PSD3: variants seen among roughly 807,000 people sequenced by gnomAD.
PSD3 encodes pleckstrin and Sec7 domain containing 3.
A neutral mutation model predicts 105.5 loss-of-function variants in PSD3; 49 were observed. That is an observed-to-expected ratio of 0.46 (90% confidence interval 0.37 to 0.59). The LOEUF (loss-of-function observed/expected upper bound fraction) is 0.59. Ranked by LOEUF, PSD3 falls within the 20% of genes least tolerant of loss-of-function variation. The probability of loss-of-function intolerance (pLI) is 0.00; values close to 1 mark genes in which losing one functional copy is unlikely to be tolerated. For missense variants in PSD3, 1,561 were observed against 1,263.8 expected (o/e 1.24, Z -3.57); for synonymous variants, 557 against 457.8 (o/e 1.22, Z -2.77).
chr8:19,006,992 C>G (rs1008052112), intron 1 of PSD3, among the ~76,000 whole-genome samples: 2 of 152,080 alleles, frequency 1.3e-5, no homozygotes, highest in Admixed American at 6.6e-5. Context: ...CAGTGGCTCA[C>G]ACCTGTAATC....
At chr8:18,694,552 G>C (rs572458467) in intron 9 of PSD3, among the ~76,000 whole-genome samples, 1 of 151,220 alleles carries the variant, frequency 6.6e-6, no homozygotes, top group African/African-American at 2.4e-5. Flanking sequence ...AGAGCTTGCA[G>C]TGAGCCGAGA....
intron 10 of PSD3, among the ~76,000 whole-genome samples, chr8:18,640,485 T>G (rs976250456): frequency 6.6e-6 from 1 of 152,118 alleles, no homozygotes; most frequent in African/African-American, 2.4e-5. Context: ...CGTGTGATAT[T>G]AAGTTCTCGT....
intron 8 of PSD3, among the ~76,000 whole-genome samples, chr8:18,788,288 G>A (rs1809374056): frequency 6.6e-6 from 1 of 152,230 alleles, no homozygotes; most frequent in African/African-American, 2.4e-5. Flanking sequence ...CCCAACTTCT[G>A]TTGCAATAAC....
At chr8:18,843,127 G>C (rs151023129) in intron 4 of PSD3, among the ~76,000 whole-genome samples, 3 of 152,078 alleles carry the variant, frequency 2.0e-5, no homozygotes, top group African/African-American at 7.2e-5. Flanking sequence ...TTGGGAGGCC[G>C]AGACGGGCGG....
intron 1 of PSD3, among the ~76,000 whole-genome samples, chr8:19,006,898 G>A (rs1409854553): frequency 1.3e-5 from 2 of 151,996 alleles, no homozygotes; most frequent in Non-Finnish European, 2.9e-5. Context: ...TATTCACTGT[G>A]ATACTAGGCA....
intron 9 of PSD3, among the ~76,000 whole-genome samples, chr8:18,750,961 A>T (rs560888990): frequency 6.6e-6 from 1 of 152,218 alleles, no homozygotes; most frequent in East Asian, 1.9e-4. Context: ...CACCAGACTC[A>T]GGAGACCAGC....
At chr8:18,565,871 G>A (rs1010240338) in intron 14 of PSD3, among the ~76,000 whole-genome samples, 1 of 152,122 alleles carries the variant, frequency 6.6e-6, no homozygotes, top group African/African-American at 2.4e-5. Flanking sequence ...TTAGAACTGG[G>A]GGGTCCCTAT....
chr8:18,584,157 A>C (rs768490165), intron 12 of PSD3, among the ~76,000 whole-genome samples: 6 of 152,220 alleles, frequency 3.9e-5, no homozygotes, highest in Non-Finnish European at 8.8e-5. Flanking sequence ...GATACGAGAC[A>C]TTTTCCAGTG....
intron 2 of PSD3, among the ~76,000 whole-genome samples, chr8:18,920,796 C>G (rs1820960450): frequency 6.6e-6 from 1 of 152,102 alleles, no homozygotes; most frequent in South Asian, 2.1e-4. Flanking sequence ...CTATTAAAGG[C>G]TAGTAGCCAC....
intron 9 of PSD3, among the ~76,000 whole-genome samples, chr8:18,753,597 G>A (rs1805782009): frequency 6.6e-6 from 1 of 152,066 alleles, no homozygotes; most frequent in South Asian, 2.1e-4. Flanking sequence ...CAAATAAAAT[G>A]TTTTAAATAA....
In PSD3 at chr8:18,588,700, C is replaced by G. The variant is rs146884350; in HGVS notation, c.2481+11664G>C. On this transcript the variant is annotated intron_variant, in intron 12 of 15. Transcript: ENST00000327040. ...CCGGAGAAGCAACCTTCTTGGAGCT[C>G]TAATCCAAGCTGATGCTGAAGCTTC... Among the ~76,000 whole-genome samples the G allele has an allele frequency of 4.6e-5, 7 of 152,300 alleles. No individual in the cohort carries two copies. The East Asian group carries it at 1.3e-3, about 29-fold the overall frequency.
In PSD3 at chr8:18,833,589, A is replaced by G. The variant is rs919405779; in HGVS notation, c.1635-28691T>C. Among the ~76,000 whole-genome samples the G allele has an allele frequency of 2.0e-5, 3 of 152,222 alleles. No homozygotes were observed. The South Asian group carries it at 6.2e-4, about 31-fold the overall frequency. On this transcript the variant is annotated intron_variant, in intron 4 of 15. Transcript: ENST00000327040. The stretch of plus-strand genomic sequence containing the variant: ...AGTGGAGAAAATCTTTGGGGTTAAA[A>G]TGAGTTTTCCACTAGTTTCATTCCT...
intron 8 of PSD3, among the ~76,000 whole-genome samples, chr8:18,775,493 G>T (rs1486310558): frequency 6.6e-6 from 1 of 151,906 alleles, no homozygotes; most frequent in Admixed American, 6.6e-5. Flanking sequence ...TTTCATTCTG[G>T]CCAGCACTCA....
intron 12 of PSD3, among the ~76,000 whole-genome samples, chr8:18,580,829 C>A (rs538319612): frequency 6.6e-6 from 1 of 152,306 alleles, no homozygotes; most frequent in African/African-American, 2.4e-5. Flanking sequence ...AGAGCCTGAT[C>A]TGCAGACTAC....
chr8:18,913,737 C>T (rs1367032841), intron 2 of PSD3, among the ~76,000 whole-genome samples: 1 of 152,174 alleles, frequency 6.6e-6, no homozygotes, highest in African/African-American at 2.4e-5. Flanking sequence ...TTCATGGACT[C>T]AGGATCCAGG....
chr8:18,583,493 C>G (rs768297809), intron 12 of PSD3, among the ~76,000 whole-genome samples: 5 of 152,276 alleles, frequency 3.3e-5, no homozygotes, highest in Non-Finnish European at 7.4e-5. Context: ...TCCAACTGCT[C>G]TAAGATAAAG....
intron 1 of PSD3, among the ~76,000 whole-genome samples, chr8:18,995,944 C>T (rs1002448415): frequency 6.6e-6 from 1 of 151,832 alleles, no homozygotes; most frequent in African/African-American, 2.4e-5. Context: ...ACCATATCAG[C>T]CAGCATCCGT....
chr8:18,901,581 A>T (rs1358325187), intron 2 of PSD3, among the ~76,000 whole-genome samples: 5 of 151,312 alleles, frequency 3.3e-5, no homozygotes, highest in Non-Finnish European at 7.4e-5. Context: ...CTAAGTCTTG[A>T]TTCTTTCCTC....
intron 10 of PSD3, among the ~76,000 whole-genome samples, chr8:18,644,815 G>T (rs1331154499): frequency 1.3e-5 from 2 of 152,090 alleles, no homozygotes; most frequent in Non-Finnish European, 2.9e-5. Flanking sequence ...AGTCTGTTTT[G>T]GGTTGCTGTG....
Sources: gnomAD v4.1 joint callset for allele counts (sites outside exome capture counted in the v4.1 genomes callset) on GRCh38, gnomAD v4.1.1 for gene constraint, MANE v1.5 for transcripts, NCBI Gene and HGNC (gene_info 2026-07-23, HGNC 2026-07-21) for gene names.